The following FRMD6 variants were observed in gnomAD, a reference collection of about 807,000 sequenced individuals.
FRMD6 encodes the protein FERM domain containing 6, also known as FERM domain-containing protein 6.
FRMD6 carries 37 observed loss-of-function variants against 73.2 expected under a neutral mutation model. The ratio of observed to expected loss-of-function variants is 0.51; its 90% CI spans 0.39 to 0.66. The LOEUF is 0.66. FRMD6 is among the 30% of genes least tolerant of loss of function. FRMD6 has a pLI of 0.00. For synonymous variants in FRMD6, 273 were observed against 282.2 expected (o/e 0.97, Z 0.33); for missense variants, 714 against 780.5 (o/e 0.91, Z 1.02).
At chr14:51,720,416 T>C in intron 11 of FRMD6, 26 bp downstream of exon 11, 1 of 1,606,914 alleles carries the variant, frequency 6.2e-7, no homozygotes, top group Non-Finnish European at 8.5e-7. Context: ...CCTCACTGGC[T>C]CTCTGTTTAG....
chr14:51,708,041 A>G (rs760001489), intron 6 of FRMD6, 37 bp from the exon 7 acceptor site: 1 of 1,606,088 alleles, frequency 6.2e-7, no homozygotes, highest in Non-Finnish European at 8.5e-7. Context: ...CATCTCTCCA[A>G]CAAATGTTGC....
chr14:51,692,903 A>G (rs1483307351), intron 2 of FRMD6: 2 of 152,134 alleles, frequency 1.3e-5, no homozygotes, highest in Non-Finnish European at 2.9e-5. Context: ...GATGCTATAG[A>G]TACTCTAAAA....
chr14:51,467,494 C>T, the FRMD6 span, among the ~76,000 whole-genome samples: 4 of 152,334 alleles, frequency 2.6e-5, no homozygotes, highest in South Asian at 6.2e-4. Context: ...ACCTCCCAGA[C>T]GGGGTAGCGG....
chr14:51,584,684 A>G (rs1284483154), intron 2 of FRMD6, among the ~76,000 whole-genome samples: 1 of 151,926 alleles, frequency 6.6e-6, no homozygotes, highest in East Asian at 1.9e-4. Context: ...GATGAAATTT[A>G]ACTCAGTTTT....
intron 1 of FRMD6, among the ~76,000 whole-genome samples, chr14:51,507,424 C>G (rs538373819): frequency 6.6e-6 from 1 of 152,146 alleles, no homozygotes; most frequent in Non-Finnish European, 1.5e-5. Context: ...CTGTTAATAT[C>G]CAAGCTAGCT....
At chr14:51,429,372 C>G in the FRMD6 span, among the ~76,000 whole-genome samples, 153 of 152,240 alleles carry the variant, frequency 1.0e-3, no homozygotes, top group African/African-American at 3.6e-3. Context: ...CCAGGTGATT[C>G]TAATGTGCAA....
intron 2 of FRMD6, among the ~76,000 whole-genome samples, chr14:51,638,853 G>T (rs1026906709): frequency 3.3e-5 from 5 of 152,256 alleles, no homozygotes; most frequent in African/African-American, 9.6e-5. Context: ...ATAATTCCTT[G>T]TAATTATTTT....
intron 2 of FRMD6, among the ~76,000 whole-genome samples, chr14:51,641,410 C>CTT (rs753811117): frequency 1.3e-5 from 2 of 152,088 alleles, no homozygotes; most frequent in Non-Finnish European, 2.9e-5. Context: ...TAAGATAAAT[C>CTT]TTATCCTACC....
At position 51,683,445 on chromosome 14, in the gene FRMD6, ATT is replaced by A. The variant is rs34525926; in HGVS notation, c.-146-6234_-146-6233del. On this transcript the variant is annotated intron_variant, in intron 1 of 13. Coordinates refer to ENST00000344768, the MANE Select transcript of FRMD6 (RefSeq NM_001267046.2). ...CAGGCATGTGCCACCATGCTCAGCT[ATT>A]TTTTTTTTTTTAAACTTTTTTAGTA... is the stretch of plus-strand genomic sequence containing the variant. Among the ~76,000 whole-genome samples, 429 of 146,392 alleles carry A rather than the reference ATT, an allele frequency of 2.9e-3. 3 individuals carry two copies. Among genetic ancestry groups the A allele is most frequent in the African/African-American group, 9.6e-3 (382 of 39,958 alleles).
intron 1 of FRMD6, among the ~76,000 whole-genome samples, chr14:51,538,689 A>G (rs2145444): frequency 0.03 from 4,594 of 152,260 alleles, 101 homozygotes; most frequent in African/African-American, 0.058. Flanking sequence ...CCCTTGCCAA[A>G]AATCAACTAG....
chr14:51,448,633 T>C, the FRMD6 span, among the ~76,000 whole-genome samples: 15 of 152,224 alleles, frequency 9.9e-5, no homozygotes, highest in African/African-American at 3.4e-4. Context: ...CTTACAGTAA[T>C]GGCATATGGA....
At chr14:51,520,228 C>T (rs1444648903) in intron 1 of FRMD6, among the ~76,000 whole-genome samples, 1 of 152,142 alleles carries the variant, frequency 6.6e-6, no homozygotes, top group Non-Finnish European at 1.5e-5. Context: ...AGAAAATGTT[C>T]AACCTCATTA....
At chr14:51,497,322 C>T (rs556287650) in intron 1 of FRMD6, among the ~76,000 whole-genome samples, 24 of 151,902 alleles carry the variant, frequency 1.6e-4, no homozygotes, top group South Asian at 1.0e-3. Context: ...AGTTGGGAGC[C>T]CAGAGGTCTC....
At chr14:51,560,896 CTT>C (rs1268837220) in intron 1 of FRMD6, among the ~76,000 whole-genome samples, 1 of 152,198 alleles carries the variant, frequency 6.6e-6, no homozygotes, top group Non-Finnish European at 1.5e-5. Flanking sequence ...CTTGGTCTCT[CTT>C]TAATAAAAGT....
chr14:51,508,036 C>T (rs1303617262), intron 1 of FRMD6, among the ~76,000 whole-genome samples: 1 of 152,102 alleles, frequency 6.6e-6, no homozygotes, highest in Non-Finnish European at 1.5e-5. Context: ...TGCTACTGAG[C>T]GTGCCCACTC....
At chr14:51,644,450 T>C (rs964055540) in intron 2 of FRMD6, among the ~76,000 whole-genome samples, 1 of 151,860 alleles carries the variant, frequency 6.6e-6, no homozygotes, top group African/African-American at 2.4e-5. Context: ...ATGGGATTCA[T>C]TCATTCAACA....
chr14:51,699,995 A>G (rs555641868), intron 3 of FRMD6, among the ~76,000 whole-genome samples: 1 of 151,974 alleles, frequency 6.6e-6, no homozygotes, highest in East Asian at 1.9e-4. Context: ...GGTTAACTTA[A>G]TGTCGTTTAT....
At chr14:51,587,609 A>T (rs1189661541) in intron 2 of FRMD6, among the ~76,000 whole-genome samples, 1 of 151,946 alleles carries the variant, frequency 6.6e-6, no homozygotes, top group East Asian at 1.9e-4. Context: ...GATCTGGGTG[A>T]TCTAGAGGGC....
intron 1 of FRMD6, among the ~76,000 whole-genome samples, chr14:51,543,222 G>C (rs1452966541): frequency 1.3e-5 from 2 of 151,914 alleles, no homozygotes; most frequent in Non-Finnish European, 2.9e-5. Flanking sequence ...CCTATCTGTT[G>C]AGGATAGTAT....
Sources: gnomAD v4.1 joint callset for allele counts (sites outside exome capture counted in the v4.1 genomes callset) on GRCh38, gnomAD v4.1.1 for gene constraint, MANE v1.5 for transcripts, NCBI Gene and HGNC (gene_info 2026-07-23, HGNC 2026-07-21) for gene names.